The following BMPER variants were observed in gnomAD, a reference collection of about 807,000 sequenced individuals.
BMPER encodes BMP binding endothelial regulator.
Under a neutral mutation model 87.3 loss-of-function variants are expected in BMPER, and 45 were observed. The observed-to-expected ratio is 0.52, with a 90% CI of 0.41 to 0.66. BMPER has a LOEUF of 0.66. BMPER is among the 30% of genes least tolerant of loss of function. The pLI is 0.00. For synonymous variants in BMPER, 326 were observed against 316.2 expected (o/e 1.03, Z -0.33); for missense variants, 784 against 867.5 (o/e 0.90, Z 1.21).
chr7:34,014,422 A>C (rs1304060518), intron 6 of BMPER, among the ~76,000 whole-genome samples: 1 of 151,960 alleles, frequency 6.6e-6, no homozygotes, highest in Non-Finnish European at 1.5e-5. Context: ...GATATCCTTC[A>C]AACAAGATGT....
In BMPER at chr7:33,941,125, T is replaced by C. The variant is rs992613468; in HGVS notation, c.319+3737T>C. ...AATATATTACATATAATTTATATAT[T>C]ATATATTTATATGTAATATATTACA... On this transcript the variant is annotated intron_variant, in intron 3 of 14. Transcript: ENST00000649409. Among the ~76,000 whole-genome samples the C allele has an allele frequency of 3.6e-5, 5 of 138,398 alleles. No individual in the cohort carries two copies. The Admixed American group carries it at 3.8e-4, about 11-fold the overall frequency. 90.8% of individuals were successfully genotyped at this position (138,398 alleles called of 152,430 possible).
rs1349826938 is a variant in BMPER, at chr7:34,065,247, T to TCTCC, written c.1078+3201_1078+3202insTCCC. Among the ~76,000 whole-genome samples, 19 of 144,540 alleles carry TCTCC rather than the reference T, an allele frequency of 1.3e-4. No homozygotes were observed. In the South Asian group the frequency reaches 2.9e-3, roughly 22 times the overall value. 94.8% of individuals were successfully genotyped at this position (144,540 alleles called of 152,430 possible). A position where few individuals can be genotyped will look rare whatever the true frequency, so the allele number is the denominator to read the frequency against. ...CTCTCTCTCTCTCTCTCTCTCTCTC[T>TCTCC]CCCTCTCTCTCTCTCTCCCCATGAT... On this transcript the variant is annotated intron_variant, in intron 11 of 14. Transcript: ENST00000649409.
intron 2 of BMPER, among the ~76,000 whole-genome samples, chr7:33,920,360 C>T (rs1784191266): frequency 6.6e-6 from 1 of 150,656 alleles, no homozygotes; most frequent in Non-Finnish European, 1.5e-5. Context: ...TGTCCTGGTC[C>T]AGAGATCCTG....
intron 2 of BMPER, chr7:33,921,728 A>AGCAGCT (rs1784234371): frequency 2.1e-6 from 1 of 470,860 alleles, no homozygotes; most frequent in Non-Finnish European, 4.4e-6. Flanking sequence ...TGGGATGGGT[A>AGCAGCT]GCAGCTGCAG....
chr7:34,085,782 A>G lies in BMPER; in HGVS notation c.1435A>G (p.Ser479Gly). 3 of 1,614,134 alleles carry G rather than the reference A, an allele frequency of 1.9e-6. No homozygotes were observed. The highest frequency in any genetic ancestry group is 2.5e-6 in the Non-Finnish European group (3 of 1,180,004). ...AGLEISWDGD[S>G]FVEVMAAPHL... ...TTTGGAAATATCTTGGGATGGAGAC[A>G]GTTTTGTAGAAGTCATGGCTGCGCC... The change falls in exon 13 of 15, where the codon AGT becomes GGT. Residue 479 changes from serine (S) to glycine (G), a missense_variant. Physicochemically the swap from Ser to Gly is moderately conservative, Grantham distance 56. Coordinates refer to ENST00000649409, the MANE Select transcript of BMPER (RefSeq NM_001365308.1).
rs565577594 is a variant in BMPER at position 34,147,531 on chromosome 7, C to T, written c.1876+4171C>T. Among the ~76,000 whole-genome samples the T allele has an allele frequency of 2.6e-5, 4 of 152,258 alleles. 1 individual carries two copies. Among genetic ancestry groups the T allele is most frequent in the African/African-American group, 7.2e-5 (3 of 41,554 alleles). On this transcript the variant is annotated intron_variant, in intron 14 of 14. Transcript: ENST00000649409. ...TGTTGCCCAGGCTGGAGTGCAATGGCGTGATCTCGGCTCACTATAACCTCC... is the reference window on the plus strand; with the variant it reads ...TGTTGCCCAGGCTGGAGTGCAATGGTGTGATCTCGGCTCACTATAACCTCC...
rs564966787 is a variant in BMPER, at chr7:34,140,502, A to G, written c.1746-2728A>G. 2.0e-5 allele frequency among the ~76,000 whole-genome samples: 3 copies of G among 152,372 alleles called. No individual in the cohort carries two copies. In the East Asian group the frequency reaches 5.8e-4, roughly 29 times the overall value. On this transcript the variant is annotated intron_variant, in intron 13 of 14. Coordinates refer to ENST00000649409, the MANE Select transcript of BMPER (RefSeq NM_001365308.1). ...CATTGTTCTCCATGAGTGGTTGATCATATAAAAAGCTCACATCTTCCTTAG... is the reference window on the plus strand; with the variant it reads ...CATTGTTCTCCATGAGTGGTTGATCGTATAAAAAGCTCACATCTTCCTTAG...
chr7:33,988,365 A>G (rs1786075470), intron 6 of BMPER, among the ~76,000 whole-genome samples: 2 of 152,210 alleles, frequency 1.3e-5, no homozygotes, highest in African/African-American at 2.4e-5. Context: ...CATCCATAAT[A>G]TTCATAAACA....
At chr7:34,073,258 G>C (rs1212214349) in intron 11 of BMPER, among the ~76,000 whole-genome samples, 1 of 152,130 alleles carries the variant, frequency 6.6e-6, no homozygotes, top group Non-Finnish European at 1.5e-5. Context: ...GTAGGAATAT[G>C]TTCTGAGAAG....
chr7:34,004,928 A>T (rs1316881725), intron 6 of BMPER, among the ~76,000 whole-genome samples: 1 of 152,122 alleles, frequency 6.6e-6, no homozygotes, highest in Non-Finnish European at 1.5e-5. Flanking sequence ...GACCTTCTGG[A>T]TCCCAGGGTT....
chr7:34,130,186 G>GTCTC (rs10583920), intron 13 of BMPER, among the ~76,000 whole-genome samples: 7 of 149,356 alleles, frequency 4.7e-5, no homozygotes, highest in Middle Eastern at 3.5e-3. Context: ...TCTTGATTCT[G>GTCTC]TCTCTCTCTC....
At chr7:33,916,765 G>A (rs1280034380) in intron 2 of BMPER, among the ~76,000 whole-genome samples, 1 of 152,188 alleles carries the variant, frequency 6.6e-6, no homozygotes, top group African/African-American at 2.4e-5. Context: ...ATCTCTGTCA[G>A]CTCCATAGCT....
chr7:34,083,138 G>A (rs1467727217), intron 12 of BMPER, among the ~76,000 whole-genome samples: 1 of 152,152 alleles, frequency 6.6e-6, no homozygotes, highest in Admixed American at 6.5e-5. Flanking sequence ...AGTGTTACCG[G>A]GGTAATTCAT....
intron 13 of BMPER, among the ~76,000 whole-genome samples, chr7:34,128,669 C>T (rs1375689999): frequency 6.6e-6 from 1 of 152,078 alleles, no homozygotes; most frequent in Admixed American, 6.6e-5. Flanking sequence ...GAGGATGTCA[C>T]ATGGAAGCTG....
At chr7:33,974,049 C>G (rs1785617889) in intron 5 of BMPER, among the ~76,000 whole-genome samples, 1 of 152,192 alleles carries the variant, frequency 6.6e-6, no homozygotes, top group Non-Finnish European at 1.5e-5. Context: ...CCTGTCCTGC[C>G]TCTGCCCCTT....
intron 13 of BMPER, among the ~76,000 whole-genome samples, chr7:34,136,931 G>C (rs1208120490): frequency 6.6e-6 from 1 of 152,208 alleles, no homozygotes; most frequent in African/African-American, 2.4e-5. Context: ...AACTGTGCCT[G>C]GGAAGCAGAG....
chr7:33,929,332 T>C (rs1441815629), intron 2 of BMPER, among the ~76,000 whole-genome samples: 1 of 152,274 alleles, frequency 6.6e-6, no homozygotes, highest in African/African-American at 2.4e-5. Flanking sequence ...ACTCTTCTGC[T>C]CAAATCAAAG....
intron 10 of BMPER, among the ~76,000 whole-genome samples, chr7:34,059,964 G>T (rs540795888): frequency 1.3e-5 from 2 of 152,148 alleles, no homozygotes; most frequent in African/African-American, 4.8e-5. Context: ...GCTGAAGTGG[G>T]GACTGGGTCA....
intron 2 of BMPER, among the ~76,000 whole-genome samples, chr7:33,927,803 T>G (rs2128606399): frequency 6.6e-6 from 1 of 152,316 alleles, no homozygotes; most frequent in East Asian, 1.9e-4. Flanking sequence ...TAGTTGGAGT[T>G]GGACCCCCAA....
Sources: gnomAD v4.1 joint callset for allele counts (sites outside exome capture counted in the v4.1 genomes callset) on GRCh38, gnomAD v4.1.1 for gene constraint, MANE v1.5 for transcripts, NCBI Gene and HGNC (gene_info 2026-07-23, HGNC 2026-07-21) for gene names.